The following SNX18 variants were observed in gnomAD, a reference collection of about 807,000 sequenced individuals.
The protein encoded by SNX18 is sorting nexin-18.
SNX18 carries 35 observed loss-of-function variants against 48.7 expected under a neutral mutation model. The ratio of observed to expected loss-of-function variants is 0.72; its 90% CI spans 0.55 to 0.95. The LOEUF is 0.95. SNX18 is among the 40% of genes least tolerant of loss of function. SNX18 has a pLI of 0.00. For synonymous variants in SNX18, 492 were observed against 384.7 expected (o/e 1.28, Z -3.26); for missense variants, 824 against 871.0 (o/e 0.95, Z 0.68).
chr5:54,588,169 T>TAAA, the SNX18 span, among the ~76,000 whole-genome samples: 23 of 152,164 alleles, frequency 1.5e-4, no homozygotes, highest in African/African-American at 5.5e-4. Flanking sequence ...ATATTGACTC[T>TAAA]AGGCCAAAAG....
the SNX18 span, among the ~76,000 whole-genome samples, chr5:54,556,141 A>G: frequency 1.3e-5 from 2 of 152,170 alleles, no homozygotes; most frequent in African/African-American, 4.8e-5. Flanking sequence ...GTTGCTTCTA[A>G]TTTTTTATTA....
downstream of SNX18, among the ~76,000 whole-genome samples, chr5:54,548,020 A>G (rs1580113777): frequency 6.6e-6 from 1 of 152,002 alleles, no homozygotes; most frequent in Admixed American, 6.6e-5. Flanking sequence ...AACCAGAAAA[A>G]CCCAGCAGTG....
the SNX18 span, among the ~76,000 whole-genome samples, chr5:54,642,518 C>T: frequency 6.6e-6 from 1 of 152,094 alleles, no homozygotes; most frequent in Non-Finnish European, 1.5e-5. Context: ...CGTGGGGCAA[C>T]TGTGGAATGA....
the SNX18 span, among the ~76,000 whole-genome samples, chr5:54,570,249 C>CT: frequency 1.3e-4 from 20 of 152,332 alleles, no homozygotes; most frequent in South Asian, 2.5e-3. Flanking sequence ...TTGCTGGCAA[C>CT]ACCAGAAGGT....
the SNX18 span, among the ~76,000 whole-genome samples, chr5:54,608,454 T>C: frequency 1.3e-5 from 2 of 152,234 alleles, no homozygotes; most frequent in African/African-American, 4.8e-5. Context: ...CAAGCTGGTC[T>C]TGAACTCCTG....
At chr5:54,538,176 A>G (rs748744946) in intron 1 of SNX18, among the ~76,000 whole-genome samples, 18 of 152,376 alleles carry the variant, frequency 1.2e-4, no homozygotes, top group African/African-American at 3.8e-4. Flanking sequence ...GAACCCAATC[A>G]TTTGTAACAA....
At chr5:54,578,788 T>C in the SNX18 span, among the ~76,000 whole-genome samples, 1 of 152,202 alleles carries the variant, frequency 6.6e-6, no homozygotes, top group African/African-American at 2.4e-5. Flanking sequence ...TTCACTTCTG[T>C]GAGCCTAAGG....
At chr5:54,620,514 T>G in the SNX18 span, among the ~76,000 whole-genome samples, 1 of 152,200 alleles carries the variant, frequency 6.6e-6, no homozygotes, top group Admixed American at 6.5e-5. Context: ...GCAGAGAGTA[T>G]TGGAGCCCAT....
chr5:54,603,628 C>G, the SNX18 span, among the ~76,000 whole-genome samples: 2 of 151,638 alleles, frequency 1.3e-5, no homozygotes, highest in African/African-American at 4.9e-5. Context: ...GTCCAGAAGC[C>G]AAAGAAAAAA....
In SNX18 at chr5:54,543,333, T is replaced by G. The variant is rs1261993804; in HGVS notation, c.1776T>G (p.Phe592Leu). The G allele has an allele frequency of 6.2e-7, 1 of 1,614,204 alleles. No individual in the cohort carries two copies. Among genetic ancestry groups the G allele is most frequent in the South Asian group, 1.1e-5 (1 of 91,090 alleles). Residue 592 changes from phenylalanine (F) to leucine (L), a missense_variant, in exon 2 of 2, where the codon TTT becomes TTG. Phe to Leu is a conservative substitution (Grantham distance 22). Coordinates refer to ENST00000381410, the MANE Select transcript of SNX18 (RefSeq NM_001102575.2). ...TCCATCAAATTCGAGTGAGAGACTT[T>G]AAATCACAGATGCAGCATTTCTTAC... ...HHFHQIRVRDFKSQMQHFLQQ... is the reference protein window; with the variant it reads ...HHFHQIRVRDLKSQMQHFLQQ...
At chr5:54,582,044 T>A in the SNX18 span, among the ~76,000 whole-genome samples, 1 of 152,196 alleles carries the variant, frequency 6.6e-6, no homozygotes, top group East Asian at 1.9e-4. Context: ...AAGTTGTCCA[T>A]GAGAATTCGC....
chr5:54,627,797 A>ACAT, the SNX18 span, among the ~76,000 whole-genome samples: 1 of 152,174 alleles, frequency 6.6e-6, no homozygotes. Flanking sequence ...CTAGGGGACT[A>ACAT]CATCCCTCTA....
At chr5:54,574,349 G>A in the SNX18 span, among the ~76,000 whole-genome samples, 30 of 152,176 alleles carry the variant, frequency 2.0e-4, no homozygotes, top group South Asian at 6.2e-4. Context: ...CTTAGATCCC[G>A]GAGTGGGCAA....
intron 1 of SNX18, among the ~76,000 whole-genome samples, chr5:54,529,452 A>G (rs192497931): frequency 5.9e-5 from 9 of 152,276 alleles, no homozygotes; most frequent in African/African-American, 1.9e-4. Flanking sequence ...CCTACATAAT[A>G]ACCTCAATTT....
chr5:54,519,736 A>G, intron 1 of SNX18, 163 bp downstream of exon 1: 1 of 1,614,138 alleles, frequency 6.2e-7, no homozygotes, highest in Non-Finnish European at 8.5e-7. Context: ...TGTAAGTTGG[A>G]TTGCTCGACA....
the SNX18 span, among the ~76,000 whole-genome samples, chr5:54,619,033 T>C: frequency 6.6e-6 from 1 of 152,178 alleles, no homozygotes; most frequent in South Asian, 2.1e-4. Context: ...GTAGTAATAT[T>C]GAGCAGTAAA....
At chr5:54,588,549 G>A in the SNX18 span, among the ~76,000 whole-genome samples, 1 of 151,830 alleles carries the variant, frequency 6.6e-6, no homozygotes, top group Non-Finnish European at 1.5e-5. Context: ...GGATGGTCTC[G>A]ATCTCCTGAC....
chr5:54,519,704 C>G, intron 1 of SNX18, 131 bp downstream of exon 1: 1 of 1,614,190 alleles, frequency 6.2e-7, no homozygotes, highest in Non-Finnish European at 8.5e-7. Context: ...GAGACGTGGA[C>G]GCCTGGGTCT....
the SNX18 span, among the ~76,000 whole-genome samples, chr5:54,627,123 A>T: frequency 8.5e-5 from 13 of 152,318 alleles, 1 homozygote; most frequent in Admixed American, 5.9e-4. Context: ...AAGATTTAGG[A>T]TCCCCTTGAT....
Sources: gnomAD v4.1 joint callset for allele counts (sites outside exome capture counted in the v4.1 genomes callset) on GRCh38, gnomAD v4.1.1 for gene constraint, MANE v1.5 for transcripts, NCBI Gene and HGNC (gene_info 2026-07-23, HGNC 2026-07-21) for gene names.